The following ERC2 variants were observed in gnomAD, a reference collection of about 807,000 sequenced individuals.
ERC2 encodes the protein ELKS/RAB6-interacting/CAST family member 2.
In ERC2, 42 loss-of-function variants were observed where a neutral mutation model predicts 114.8. That is an observed-to-expected ratio of 0.37 (90% CI 0.29 to 0.47). The LOEUF is 0.47. Ranked by LOEUF, ERC2 falls within the 20% of genes least tolerant of loss-of-function variation. ERC2 has a pLI of 0.99. For synonymous variants in ERC2, 454 were observed against 425.5 expected (o/e 1.07, Z -0.82); for missense variants, 939 against 1,150.7 (o/e 0.82, Z 2.66).
Position 55,854,104 on chromosome 3 carries a change from G to A in ERC2, c.2564+34285C>T, listed in dbSNP as rs139200186. Among the ~76,000 whole-genome samples, 1,207 of 152,146 alleles carry A rather than the reference G, an allele frequency of 7.9e-3. 17 individuals carry two copies. The highest frequency in any genetic ancestry group is 0.027 in the African/African-American group (1,134 of 41,498). On this transcript the variant is annotated intron_variant, in intron 14 of 17. Coordinates refer to ENST00000288221, the MANE Select transcript of ERC2 (RefSeq NM_015576.3). ...AGTCTGGCCAATATGGTAAAAACCCGTCGCTACTAAAAATACAAAAATTAG... is the reference window on the plus strand; with the variant it reads ...AGTCTGGCCAATATGGTAAAAACCCATCGCTACTAAAAATACAAAAATTAG...
intron 13 of ERC2, among the ~76,000 whole-genome samples, chr3:55,930,987 A>G (rs1350471982): frequency 2.0e-5 from 3 of 152,252 alleles, no homozygotes; most frequent in Non-Finnish European, 2.9e-5. Context: ...TGCGGCCAAC[A>G]AGAATATTAA....
intron 17 of ERC2, among the ~76,000 whole-genome samples, chr3:55,531,163 A>G (rs2053640281): frequency 6.6e-6 from 1 of 152,128 alleles, no homozygotes; most frequent in African/African-American, 2.4e-5. Context: ...CTTGATTATT[A>G]AGTGAATGAT....
rs1175808816 is a variant in ERC2, at chr3:56,462,987, G to C, written c.-141+5261C>G. The stretch of plus-strand genomic sequence containing the variant: ...CACACCTCTAATCCCAGCACTTTGG[G>C]AGGCCAAGGCAGGCAGATCACTTGA... On this transcript the variant is annotated intron_variant, in intron 1 of 17. Transcript: ENST00000288221. Among the ~76,000 whole-genome samples the C allele has an allele frequency of 2.0e-5, 3 of 152,274 alleles. No homozygotes were observed. The East Asian group carries it at 5.8e-4, about 29-fold the overall frequency.
intron 14 of ERC2, among the ~76,000 whole-genome samples, chr3:55,836,168 G>C (rs2060873805): frequency 1.3e-5 from 2 of 152,040 alleles, no homozygotes; most frequent in African/African-American, 4.8e-5. Context: ...CGTGAAAATG[G>C]CCATACTGCC....
chr3:56,099,973 G>A lies in ERC2; in HGVS notation c.1474-18989C>T, dbSNP rs760213836. 5.9e-5 allele frequency among the ~76,000 whole-genome samples: 9 copies of A among 152,012 alleles called. No homozygotes were observed. The East Asian group carries it at 9.7e-4, about 16-fold the overall frequency. ...AGTCTTTCCAGAGAACCAGCTCTAC[G>A]AGCACTCTTATTGGGGAGAAAAAAA... On this transcript the variant is annotated intron_variant, in intron 6 of 17. Coordinates refer to ENST00000288221, the MANE Select transcript of ERC2 (RefSeq NM_015576.3).
At chr3:55,962,051 G>A (rs2068423436) in intron 12 of ERC2, among the ~76,000 whole-genome samples, 1 of 152,018 alleles carries the variant, frequency 6.6e-6, no homozygotes, top group South Asian at 2.1e-4. Flanking sequence ...ACTGTTAGCT[G>A]GTGCTAACAA....
chr3:56,440,522 T>C (rs1255454156), intron 1 of ERC2, among the ~76,000 whole-genome samples: 1 of 139,036 alleles, frequency 7.2e-6, no homozygotes, highest in Non-Finnish European at 1.5e-5. Flanking sequence ...AACTCCAGCC[T>C]GGGCAACAGT....
chr3:56,369,873 C>T (rs2059297873), intron 2 of ERC2, among the ~76,000 whole-genome samples: 1 of 151,962 alleles, frequency 6.6e-6, no homozygotes, highest in Non-Finnish European at 1.5e-5. Context: ...GACGGGGTTT[C>T]ACCATTTTGG....
chr3:56,034,319 A>G (rs1159676479), intron 7 of ERC2, among the ~76,000 whole-genome samples: 1 of 152,140 alleles, frequency 6.6e-6, no homozygotes, highest in Non-Finnish European at 1.5e-5. Flanking sequence ...CAACATCAGA[A>G]CATTTAAATA....
At chr3:55,580,231 A>ATTTT (rs71763172) in intron 17 of ERC2, among the ~76,000 whole-genome samples, 1 of 144,828 alleles carries the variant, frequency 6.9e-6, no homozygotes, top group Non-Finnish European at 1.5e-5. Flanking sequence ...TAGGAAGCAT[A>ATTTT]TTTTTTTTTT....
At chr3:55,983,882 C>T (rs1559973433) in intron 12 of ERC2, among the ~76,000 whole-genome samples, 1 of 152,122 alleles carries the variant, frequency 6.6e-6, no homozygotes, top group Admixed American at 6.5e-5. Flanking sequence ...TCAATTATTA[C>T]ATTTTATCTT....
At chr3:56,110,986 C>T (rs563252398) in intron 6 of ERC2, among the ~76,000 whole-genome samples, 1 of 152,214 alleles carries the variant, frequency 6.6e-6, no homozygotes, top group South Asian at 2.1e-4. Flanking sequence ...ATCACTGTCT[C>T]CCAGATGTTT....
At chr3:56,407,296 A>G (rs2060766887) in intron 2 of ERC2, among the ~76,000 whole-genome samples, 1 of 152,170 alleles carries the variant, frequency 6.6e-6, no homozygotes, top group African/African-American at 2.4e-5. Flanking sequence ...GAGGCCCCAG[A>G]CTTCATCAGG....
intron 15 of ERC2, among the ~76,000 whole-genome samples, chr3:55,716,501 G>A (rs2064129172): frequency 6.6e-6 from 1 of 152,226 alleles, no homozygotes; most frequent in African/African-American, 2.4e-5. Context: ...CCACTTAACA[G>A]CTGTGAAACT....
chr3:56,322,067 C>T (rs2057150756), intron 2 of ERC2, among the ~76,000 whole-genome samples: 1 of 152,224 alleles, frequency 6.6e-6, no homozygotes, highest in Admixed American at 6.5e-5. Context: ...ATTCTAGGTA[C>T]ATCCTCAGGT....
intron 4 of ERC2, among the ~76,000 whole-genome samples, chr3:56,168,971 G>C (rs1283310355): frequency 6.6e-6 from 1 of 152,056 alleles, no homozygotes; most frequent in Non-Finnish European, 1.5e-5. Context: ...AAAAAAGCCT[G>C]GTGGGGACAA....
intron 2 of ERC2, among the ~76,000 whole-genome samples, chr3:56,414,365 C>T (rs73832735): frequency 0.048 from 7,358 of 152,216 alleles, 437 homozygotes; most frequent in African/African-American, 0.14. Context: ...AAACAAGGCC[C>T]TTTCCCATTT....
At chr3:56,310,082 AC>A (rs1331022606) in intron 2 of ERC2, among the ~76,000 whole-genome samples, 1 of 152,196 alleles carries the variant, frequency 6.6e-6, no homozygotes, top group Non-Finnish European at 1.5e-5. Context: ...TCTCAGGAAT[AC>A]CAACCATTTC....
intron 14 of ERC2, among the ~76,000 whole-genome samples, chr3:55,886,281 CATCAT>C (rs1308818363): frequency 6.6e-6 from 1 of 152,120 alleles, no homozygotes; most frequent in Non-Finnish European, 1.5e-5. Context: ...ATGCAAAAAA[CATCAT>C]ATGATAAATT....
Sources: gnomAD v4.1 joint callset for allele counts (sites outside exome capture counted in the v4.1 genomes callset) on GRCh38, gnomAD v4.1.1 for gene constraint, MANE v1.5 for transcripts, NCBI Gene and HGNC (gene_info 2026-07-23, HGNC 2026-07-21) for gene names.